The following BCL2L1 variants were observed in gnomAD, a reference collection of about 807,000 sequenced individuals.
The protein encoded by BCL2L1 is BCL2 like 1.
Under a neutral mutation model 18.7 loss-of-function variants are expected in BCL2L1, and 1 was observed. The observed-to-expected ratio is 0.05, with a 90% CI of 0.02 to 0.25. The LOEUF is 0.25. Ranked by LOEUF, BCL2L1 falls within the 10% of genes least tolerant of loss-of-function variation. The pLI, the probability that BCL2L1 is intolerant of heterozygous loss-of-function variation, is 1.00. For missense variants in BCL2L1, 207 were observed against 304.9 expected, an observed-to-expected ratio of 0.68 and a Z score of 2.39; for synonymous variants, 103 against 122.7, an observed-to-expected ratio of 0.84 and a Z score of 1.06.
chr20:31,722,035 T>C lies in BCL2L1; in HGVS notation c.184A>G (p.Ser62Gly), dbSNP rs766040914. ...CCAGTGGCTCCATTCACCGCGGGGC[T>C]GTCTGCCAGGTGCCAGGATGGGTTG... ...NGNPSWHLAD[S>G]PAVNGATGHS... Residue 62 changes from serine (S) to glycine (G), a missense_variant, in exon 2 of 3, where the codon AGC becomes GGC. Coordinates refer to ENST00000307677, the MANE Select transcript of BCL2L1 (RefSeq NM_138578.3). 4 of 1,610,464 alleles carry C rather than the reference T, an allele frequency of 2.5e-6. No homozygotes were observed.
chr20:31,704,991 T>G (rs959303989), intron 2 of BCL2L1, among the ~76,000 whole-genome samples: 4 of 152,188 alleles, frequency 2.6e-5, no homozygotes, highest in Non-Finnish European at 4.4e-5. Flanking sequence ...CAGAATTCAG[T>G]GGATAGACCA....
chr20:31,715,856 G>C (rs553299604), intron 2 of BCL2L1, among the ~76,000 whole-genome samples: 1 of 152,180 alleles, frequency 6.6e-6, no homozygotes, highest in South Asian at 2.1e-4. Flanking sequence ...TTTTGAGACA[G>C]GGTCTTGCTC....
intron 2 of BCL2L1, among the ~76,000 whole-genome samples, chr20:31,714,085 C>T (rs1223549373): frequency 6.6e-6 from 1 of 152,176 alleles, no homozygotes; most frequent in Non-Finnish European, 1.5e-5. Flanking sequence ...AACTAGCCTG[C>T]CTTGACACTG....
At chr20:31,686,803 C>G (rs527975192) in intron 2 of BCL2L1, among the ~76,000 whole-genome samples, 4 of 152,064 alleles carry the variant, frequency 2.6e-5, no homozygotes, top group Middle Eastern at 3.4e-3. Context: ...GAAAGGGCCT[C>G]AAGCAATAAG....
intron 2 of BCL2L1, among the ~76,000 whole-genome samples, chr20:31,714,337 T>C (rs548724014): frequency 1.3e-5 from 2 of 152,300 alleles, no homozygotes; most frequent in Admixed American, 6.5e-5. Flanking sequence ...CCAAGACCAG[T>C]GCTTACACCA....
At chr20:31,692,729 T>C (rs2061096070) in intron 2 of BCL2L1, among the ~76,000 whole-genome samples, 1 of 151,726 alleles carries the variant, frequency 6.6e-6, no homozygotes, top group Admixed American at 6.6e-5. Flanking sequence ...GCCAAGATGG[T>C]GAAACCCCAT....
At chr20:31,666,393 A>C (rs899346655) in intron 2 of BCL2L1, among the ~76,000 whole-genome samples, 3 of 152,098 alleles carry the variant, frequency 2.0e-5, no homozygotes, top group Admixed American at 6.5e-5. Flanking sequence ...CAGGGAACTG[A>C]TGGAAGCCAG....
chr20:31,679,427 G>A (rs1183512610), intron 2 of BCL2L1, among the ~76,000 whole-genome samples: 1 of 152,180 alleles, frequency 6.6e-6, no homozygotes, highest in Non-Finnish European at 1.5e-5. Context: ...CAGGGACAGA[G>A]CACAGCCTGG....
At chr20:31,723,516 G>C (rs531356772), upstream of BCL2L1, 22 of 985,038 alleles carry the variant, frequency 2.2e-5, no homozygotes, top group Admixed American at 6.1e-5. Context: ...GCGGCTTCTC[G>C]AGCTCACTAG....
In BCL2L1 at chr20:31,683,096, C is replaced by T. The variant is rs1241102962; in HGVS notation, c.565-17010G>A. 8.5e-5 allele frequency among the ~76,000 whole-genome samples: 13 copies of T among 152,176 alleles called. 1 individual carries two copies. Among genetic ancestry groups the T allele is most frequent in the Non-Finnish European group, 1.8e-4 (12 of 68,028 alleles). Reference sequence around the variant, plus strand: ...GGGGTCAGCAAAGTCAGTTTCCTGTCTGCTCAAAACCCTCCACTGCCTTCC... The same window carrying T: ...GGGGTCAGCAAAGTCAGTTTCCTGTTTGCTCAAAACCCTCCACTGCCTTCC... On this transcript the variant is annotated intron_variant, in intron 2 of 2. Transcript: ENST00000307677.
Position 31,677,630 on chromosome 20 carries a change from G to A in BCL2L1, c.565-11544C>T, listed in dbSNP as rs190020868. On this transcript the variant is annotated intron_variant, in intron 2 of 2. Coordinates refer to ENST00000307677, the MANE Select transcript of BCL2L1 (RefSeq NM_138578.3). Reference sequence around the variant, plus strand: ...TAGACCATGGCTCAGCTTGTGTCTCGGAGCCTTCTCTATGGCTTACAAGGG... The same window carrying A: ...TAGACCATGGCTCAGCTTGTGTCTCAGAGCCTTCTCTATGGCTTACAAGGG... Among the ~76,000 whole-genome samples the A allele has an allele frequency of 1.5e-3, 230 of 152,234 alleles. 1 individual carries two copies. The highest frequency in any genetic ancestry group is 5.2e-3 in the African/African-American group (217 of 41,536).
intron 2 of BCL2L1, among the ~76,000 whole-genome samples, chr20:31,693,304 A>G (rs535883131): frequency 6.6e-6 from 1 of 151,416 alleles, no homozygotes; most frequent in East Asian, 1.9e-4. Flanking sequence ...CCCATCTCTA[A>G]AAAAAATAAT....
intron 2 of BCL2L1, among the ~76,000 whole-genome samples, chr20:31,692,161 C>CT (rs1373399570): frequency 6.6e-6 from 1 of 152,230 alleles, no homozygotes; most frequent in African/African-American, 2.4e-5. Context: ...GCCCAGCAAT[C>CT]TGAGGTTTAA....
chr20:31,687,416 C>T (rs550209421), intron 2 of BCL2L1, among the ~76,000 whole-genome samples: 38 of 151,712 alleles, frequency 2.5e-4, no homozygotes, highest in Non-Finnish European at 4.6e-4. Flanking sequence ...CTTTGGGAGG[C>T]GTCGGCCTCC....
intron 2 of BCL2L1, among the ~76,000 whole-genome samples, chr20:31,677,622 TG>T (rs1214268150): frequency 6.6e-6 from 1 of 152,216 alleles, no homozygotes; most frequent in African/African-American, 2.4e-5. Context: ...TGGCTCAGCT[TG>T]TGTCTCGGAG....
intron 2 of BCL2L1, among the ~76,000 whole-genome samples, chr20:31,718,592 C>G (rs973108084): frequency 6.6e-6 from 1 of 150,602 alleles, no homozygotes; most frequent in Non-Finnish European, 1.5e-5. Flanking sequence ...GAGGCAGAGG[C>G]TGCAGTGAGC....
intron 2 of BCL2L1, chr20:31,720,710 G>T (rs2061609714): frequency 6.1e-6 from 6 of 983,480 alleles, no homozygotes; most frequent in Non-Finnish European, 7.2e-6. Context: ...TAAGCCTCAA[G>T]AAAGTAACCC....
intron 2 of BCL2L1, among the ~76,000 whole-genome samples, chr20:31,690,402 T>TA (rs1270603779): frequency 6.6e-6 from 1 of 152,106 alleles, no homozygotes; most frequent in African/African-American, 2.4e-5. Flanking sequence ...ATTTTAAACT[T>TA]ATTCTTATGA....
chr20:31,723,526 G>C (rs1448054048), upstream of BCL2L1: 9 of 984,978 alleles, frequency 9.1e-6, no homozygotes, highest in African/African-American at 1.7e-5. Flanking sequence ...GAGCTCACTA[G>C]GCCGGGTACC....
Sources: allele counts gnomAD v4.1 joint callset (sites outside exome capture counted in the v4.1 genomes callset), GRCh38; gene constraint gnomAD v4.1.1; transcripts MANE v1.5; gene names NCBI Gene and HGNC (gene_info 2026-07-23, HGNC 2026-07-21).